The following TSG101 variants were observed in gnomAD, a reference collection of about 807,000 sequenced individuals.
The protein encoded by TSG101 is tumor susceptibility gene 101 protein.
Under a neutral mutation model 48.5 loss-of-function variants are expected in TSG101, and 19 were observed. The observed-to-expected ratio is 0.39, with a 90% confidence interval of 0.27 to 0.58. TSG101 has a LOEUF of 0.58. Ranked by LOEUF, TSG101 falls within the 20% of genes least tolerant of loss-of-function variation. TSG101 has a pLI of 0.55. For missense variants in TSG101, 365 were observed against 484.4 expected (o/e 0.75, Z 2.31); for synonymous variants, 174 against 169.4 (o/e 1.03, Z -0.21).
At chr11:18,481,970 T>C in intron 8 of TSG101, 101 bp from the exon 9 acceptor site, 2 of 1,472,192 alleles carry the variant, frequency 1.4e-6, no homozygotes, top group Non-Finnish European at 1.8e-6. Context: ...CAACCATGTT[T>C]AAACAACTCA....
chr11:18,485,267 A>G (rs1203506715), intron 7 of TSG101, among the ~76,000 whole-genome samples: 2 of 152,320 alleles, frequency 1.3e-5, no homozygotes, highest in African/African-American at 4.8e-5. Flanking sequence ...GTGAAACCTA[A>G]TCTTTGCCAA....
At chr11:18,496,710 C>T (rs1045142906) in intron 7 of TSG101, among the ~76,000 whole-genome samples, 1 of 151,942 alleles carries the variant, frequency 6.6e-6, no homozygotes, top group Non-Finnish European at 1.5e-5. Flanking sequence ...GTGGGAGGAT[C>T]ACCTGAGCCC....
chr11:18,525,320 T>C (rs1850351210), intron 1 of TSG101, among the ~76,000 whole-genome samples: 1 of 151,910 alleles, frequency 6.6e-6, no homozygotes. Flanking sequence ...GCCAAAGCGG[T>C]GGATCACTGA....
intron 9 of TSG101, among the ~76,000 whole-genome samples, chr11:18,481,086 C>T (rs1490140364): frequency 6.6e-6 from 1 of 152,082 alleles, no homozygotes; most frequent in Non-Finnish European, 1.5e-5. Flanking sequence ...TGCTATTATC[C>T]CTAAAACCAT....
In TSG101 at chr11:18,516,083, C is replaced by G; in HGVS notation, c.193+16G>C. 4.3e-6 allele frequency: 7 copies of G among 1,609,616 alleles called. No individual in the cohort carries two copies. The highest frequency in any genetic ancestry group is 5.9e-6 in the Non-Finnish European group (7 of 1,177,034). ...TTCAAAATGCATCTATGCTGGAAAC[C>G]TAATAAGACATTTACCTCTATAAGG... On this transcript the variant is annotated intron_variant, in intron 3 of 9. Coordinates refer to ENST00000251968, the MANE Select transcript of TSG101 (RefSeq NM_006292.4).
At position 18,497,078 on chromosome 11, in the gene TSG101, G is replaced by A. The variant is rs140681190; in HGVS notation, c.640+5408C>T. ...TGCACTCCAGCCTTGGCGACAGAGCGAGTCTGTCTCAAAAACAACAACAAC... is the reference window on the plus strand; with the variant it reads ...TGCACTCCAGCCTTGGCGACAGAGCAAGTCTGTCTCAAAAACAACAACAAC... On this transcript the variant is annotated intron_variant, in intron 7 of 9. Transcript: ENST00000251968. Among the ~76,000 whole-genome samples, 909 of 152,178 alleles carry A rather than the reference G, an allele frequency of 6.0e-3. 9 individuals are homozygous for A. The highest frequency in any genetic ancestry group is 0.021 in the African/African-American group (866 of 41,540).
At chr11:18,521,670 CTTTTTTTTTTTTT>C (rs869176661) in intron 1 of TSG101, among the ~76,000 whole-genome samples, 5 of 66,692 alleles carry the variant, frequency 7.5e-5, no homozygotes, top group African/African-American at 5.8e-5. Context: ...TGGCCCCTTC[CTTTTTTTTTTTTT>C]TTTTTTTTTT....
chr11:18,499,271 A>G (rs1347272337), intron 7 of TSG101, among the ~76,000 whole-genome samples: 2 of 130,544 alleles, frequency 1.5e-5, no homozygotes, highest in African/African-American at 2.8e-5. Context: ...TATTTTATAT[A>G]TATTTATATA....
intron 7 of TSG101, among the ~76,000 whole-genome samples, chr11:18,486,290 C>T (rs185423348): frequency 5.8e-4 from 89 of 152,354 alleles, no homozygotes; most frequent in Admixed American, 1.3e-3. Flanking sequence ...GGAGGGCTGT[C>T]TCTGGCAGCA....
chr11:18,507,446 T>A (rs1166583618), intron 5 of TSG101, among the ~76,000 whole-genome samples: 1 of 152,094 alleles, frequency 6.6e-6, no homozygotes, highest in African/African-American at 2.4e-5. Flanking sequence ...GGTGACAGAG[T>A]GAGACCCTAT....
chr11:18,493,194 A>G (rs754275688), intron 7 of TSG101, among the ~76,000 whole-genome samples: 1 of 152,216 alleles, frequency 6.6e-6, no homozygotes, highest in Admixed American at 6.5e-5. Context: ...AACTTCCTTT[A>G]AATGTCAGGT....
intron 7 of TSG101, among the ~76,000 whole-genome samples, chr11:18,487,774 C>T (rs1849641689): frequency 6.6e-6 from 1 of 152,212 alleles, no homozygotes; most frequent in Non-Finnish European, 1.5e-5. Context: ...TGGCCCAGCT[C>T]ATGCTTCAGT....
chr11:18,497,346 CAATA>C (rs1242404644), intron 7 of TSG101, among the ~76,000 whole-genome samples: 2 of 151,902 alleles, frequency 1.3e-5, no homozygotes, highest in Non-Finnish European at 2.9e-5. Context: ...GGTAGAAAAA[CAATA>C]TATATTAAAG....
intron 6 of TSG101, 70 bp downstream of exon 6, chr11:18,506,787 A>C: frequency 7.5e-7 from 1 of 1,328,434 alleles, no homozygotes; most frequent in Non-Finnish European, 1.0e-6. Context: ...CCTAATTAGC[A>C]AATTATTTTG....
chr11:18,521,513 C>A (rs2088182), intron 1 of TSG101, among the ~76,000 whole-genome samples: 7,646 of 150,360 alleles, frequency 0.051, 323 homozygotes, highest in East Asian at 0.2. Context: ...GGACTACAGG[C>A]ATGCACCATC....
At position 18,484,935 on chromosome 11, in the gene TSG101, CTTTT is replaced by C. The variant is rs529154247; in HGVS notation, c.641-867_641-864del. On this transcript the variant is annotated intron_variant, in intron 7 of 9. Coordinates refer to ENST00000251968, the MANE Select transcript of TSG101 (RefSeq NM_006292.4). Reference sequence around the variant, plus strand: ...AAGTATATTTAACCTTAATTGCCGCCTTTTTTTTTTTTTTTTTTTTTGAGATGGA... The same window carrying C: ...AAGTATATTTAACCTTAATTGCCGCCTTTTTTTTTTTTTTTTTGAGATGGA... Among the ~76,000 whole-genome samples the C allele has an allele frequency of 6.5e-3, 698 of 108,014 alleles. 1 individual carries two copies. The highest frequency in any genetic ancestry group is 0.024 in the African/African-American group (641 of 26,692). The allele number at this position is 108,014 out of a possible 152,430, so 70.9% of individuals were successfully genotyped here. A position where few individuals can be genotyped will look rare whatever the true frequency, so the allele number is the denominator to read the frequency against.
chr11:18,525,029 G>A (rs1040380879), intron 1 of TSG101, among the ~76,000 whole-genome samples: 5 of 150,630 alleles, frequency 3.3e-5, no homozygotes, highest in African/African-American at 1.2e-4. Context: ...TCCCATCTCA[G>A]CCTCCCGAGT....
At position 18,503,370 on chromosome 11, in the gene TSG101, ATTTTTTT is replaced by A. The variant is rs397848238; in HGVS notation, c.549-800_549-794del. The stretch of plus-strand genomic sequence containing the variant: ...CTCAAGCTTCTCTTCTTCAGGTTAA[ATTTTTTT>A]TTTTTTTTTTTTTGAGACGGAGTCT... On this transcript the variant is annotated intron_variant, in intron 6 of 9. Transcript: ENST00000251968. 1.4e-4 allele frequency among the ~76,000 whole-genome samples: 18 copies of A among 130,828 alleles called. No individual in the cohort carries two copies. The South Asian group carries it at 2.2e-3, about 16-fold the overall frequency. The allele number at this position is 130,828 out of a possible 152,430, so 85.8% of individuals were successfully genotyped here.
intron 1 of TSG101, among the ~76,000 whole-genome samples, chr11:18,521,670 C>CTTTTTT (rs869176661): frequency 3.0e-5 from 2 of 66,690 alleles, no homozygotes; most frequent in Non-Finnish European, 5.4e-5. Flanking sequence ...TGGCCCCTTC[C>CTTTTTT]TTTTTTTTTT....
Sources: gnomAD v4.1 joint callset for allele counts (sites outside exome capture counted in the v4.1 genomes callset) on GRCh38, gnomAD v4.1.1 for gene constraint, MANE v1.5 for transcripts, NCBI Gene and HGNC (gene_info 2026-07-23, HGNC 2026-07-21) for gene names.